The following ZMAT4 variants were observed in gnomAD, a reference collection of about 807,000 sequenced individuals.
ZMAT4 encodes zinc finger matrin-type 4.
ZMAT4 carries 17 observed loss-of-function variants against 28.7 expected under a neutral mutation model. The observed-to-expected ratio is 0.59, with a 90% CI of 0.41 to 0.89. The LOEUF (loss-of-function observed/expected upper bound fraction) is 0.89, where lower values mean the gene tolerates loss of function less well. Ranked by LOEUF, ZMAT4 falls within the 40% of genes least tolerant of loss-of-function variation. The pLI, the probability that ZMAT4 is intolerant of heterozygous loss-of-function variation, is 0.00. For missense variants in ZMAT4, 240 were observed against 283.8 expected (o/e 0.85, Z 1.11); for synonymous variants, 117 against 109.2 (o/e 1.07, Z -0.44).
At chr8:40,896,893 C>A (rs932662486) in intron 1 of ZMAT4, among the ~76,000 whole-genome samples, 2 of 152,144 alleles carry the variant, frequency 1.3e-5, no homozygotes, top group East Asian at 3.9e-4. Context: ...ATGCTCCGGG[C>A]CAGGCACCCC....
rs10581532 is a variant in ZMAT4 at position 40,691,404 on chromosome 8, CAAA to C, written c.349+5838_349+5840del. Among the ~76,000 whole-genome samples, 825 of 137,706 alleles carry C rather than the reference CAAA, an allele frequency of 6.0e-3. 6 individuals are homozygous for C. Among genetic ancestry groups the C allele is most frequent in the South Asian group, 9.6e-3 (42 of 4,354 alleles). 90.3% of individuals were successfully genotyped at this position (137,706 alleles called of 152,430 possible). A position where few individuals can be genotyped will look rare whatever the true frequency, so the allele number is the denominator to read the frequency against. ...AAAACACGTGACACTAAATAGACTG[CAAA>C]AAAAAAAAAAAAGAGAGAGAGACTT... On this transcript the variant is annotated intron_variant, in intron 4 of 6. Coordinates refer to ENST00000297737, the MANE Select transcript of ZMAT4 (RefSeq NM_024645.3).
intron 5 of ZMAT4, among the ~76,000 whole-genome samples, chr8:40,626,033 C>A (rs558243823): frequency 6.6e-6 from 1 of 151,162 alleles, no homozygotes; most frequent in Admixed American, 6.6e-5. Flanking sequence ...TCGTTTGAAC[C>A]CGGGAGGTGG....
intron 1 of ZMAT4, among the ~76,000 whole-genome samples, chr8:40,872,666 T>A (rs1277894923): frequency 6.6e-6 from 1 of 152,034 alleles, no homozygotes. Flanking sequence ...CCACACCCCC[T>A]CAGATAATGC....
At chr8:40,592,873 A>G (rs758549124) in intron 5 of ZMAT4, among the ~76,000 whole-genome samples, 9 of 152,212 alleles carry the variant, frequency 5.9e-5, no homozygotes, top group Admixed American at 6.5e-5. Flanking sequence ...CGTGGTCACT[A>G]TGGCAAACTG....
intron 1 of ZMAT4, among the ~76,000 whole-genome samples, chr8:40,873,566 G>T (rs1817936920): frequency 6.6e-6 from 1 of 152,114 alleles, no homozygotes; most frequent in Non-Finnish European, 1.5e-5. Context: ...TACTAGGCAA[G>T]ATGGCTTCTC....
chr8:40,747,806 C>T (rs1812300431), intron 3 of ZMAT4, among the ~76,000 whole-genome samples: 1 of 152,096 alleles, frequency 6.6e-6, no homozygotes, highest in Admixed American at 6.6e-5. Context: ...GACATCATGA[C>T]CATTCATTTC....
At chr8:40,556,285 C>T (rs1803531319) in intron 6 of ZMAT4, among the ~76,000 whole-genome samples, 2 of 152,222 alleles carry the variant, frequency 1.3e-5, no homozygotes, top group African/African-American at 4.8e-5. Flanking sequence ...CAGTTTTTTA[C>T]TTAAAAAGTT....
intron 1 of ZMAT4, among the ~76,000 whole-genome samples, chr8:40,895,714 A>G (rs1818844780): frequency 6.6e-6 from 1 of 152,032 alleles, no homozygotes; most frequent in Non-Finnish European, 1.5e-5. Context: ...TCCTATCACG[A>G]TAGAAATCCA....
chr8:40,601,494 A>C (rs552444443), intron 5 of ZMAT4, among the ~76,000 whole-genome samples: 6 of 82,126 alleles, frequency 7.3e-5, no homozygotes, highest in Non-Finnish European at 1.7e-4. Flanking sequence ...AGAAAGAAAG[A>C]GAGAAAGAAA....
In ZMAT4 at chr8:40,739,789, C is replaced by T. The variant is rs139559397; in HGVS notation, c.192+27852G>A. Reference sequence around the variant, plus strand: ...TTAGGTGTTTGTCCTAATGCTCTCCCTCCCTTTGCCTCCCACCCGCCGACA... The same window carrying T: ...TTAGGTGTTTGTCCTAATGCTCTCCTTCCCTTTGCCTCCCACCCGCCGACA... On this transcript the variant is annotated intron_variant, in intron 3 of 6. Transcript: ENST00000297737. Among the ~76,000 whole-genome samples the T allele has an allele frequency of 8.5e-3, 1,301 of 152,276 alleles. 24 individuals are homozygous for T. Among genetic ancestry groups the T allele is most frequent in the African/African-American group, 0.03 (1,243 of 41,554 alleles).
At chr8:40,767,875 A>G in intron 2 of ZMAT4, 145 bp from the exon 3 acceptor site, 2 of 622,848 alleles carry the variant, frequency 3.2e-6, no homozygotes. Context: ...TGTAGGATGT[A>G]GTTTCAGATA....
intron 5 of ZMAT4, among the ~76,000 whole-genome samples, chr8:40,667,981 C>T (rs1049079915): frequency 2.6e-5 from 4 of 151,944 alleles, no homozygotes; most frequent in African/African-American, 9.7e-5. Flanking sequence ...TATGTGAGTG[C>T]AGGATTGCTA....
At chr8:40,746,205 T>G (rs1812207411) in intron 3 of ZMAT4, among the ~76,000 whole-genome samples, 2 of 105,594 alleles carry the variant, frequency 1.9e-5, no homozygotes, top group Non-Finnish European at 3.8e-5. Flanking sequence ...CCCACCTTCC[T>G]TCCCTCCTTC....
chr8:40,873,218 G>A (rs1586201534), intron 1 of ZMAT4, among the ~76,000 whole-genome samples: 1 of 152,276 alleles, frequency 6.6e-6, no homozygotes, highest in East Asian at 1.9e-4. Flanking sequence ...TGGATGCACT[G>A]CCACATGTGC....
intron 4 of ZMAT4, among the ~76,000 whole-genome samples, chr8:40,677,273 G>A (rs1207286241): frequency 6.7e-6 from 1 of 148,710 alleles, no homozygotes; most frequent in African/African-American, 2.5e-5. Flanking sequence ...ACTATCTTGT[G>A]TATAGTCTGA....
chr8:40,640,217 A>C (rs1394640956), intron 5 of ZMAT4, among the ~76,000 whole-genome samples: 2 of 152,166 alleles, frequency 1.3e-5, no homozygotes, highest in Admixed American at 1.3e-4. Context: ...GGCCCAAGCA[A>C]TCCTCCTGCC....
Position 40,839,821 on chromosome 8 carries a change from T to G in ZMAT4, c.-4-14141A>C, listed in dbSNP as rs535562019. On this transcript the variant is annotated intron_variant, in intron 1 of 6. Transcript: ENST00000297737. ...ATGAAGTCTTGGAAGAGTGAGGGGG[T>G]GGATGATGAGAAATTAGTTAATGAA... Among the ~76,000 whole-genome samples, 7 of 151,688 alleles carry G rather than the reference T, an allele frequency of 4.6e-5. No individual in the cohort carries two copies. The South Asian group carries it at 6.3e-4, about 14-fold the overall frequency.
chr8:40,826,065 C>CA (rs1378649673), intron 1 of ZMAT4, among the ~76,000 whole-genome samples: 1 of 152,140 alleles, frequency 6.6e-6, no homozygotes, highest in African/African-American at 2.4e-5. Context: ...TTGAGACCAG[C>CA]ATGGGCAACA....
intron 2 of ZMAT4, among the ~76,000 whole-genome samples, chr8:40,804,709 C>T (rs979839901): frequency 9.9e-5 from 15 of 151,892 alleles, no homozygotes; most frequent in Admixed American, 3.9e-4. Context: ...GGTGTGGTGG[C>T]GCATACCTAT....
Sources: allele counts gnomAD v4.1 joint callset (sites outside exome capture counted in the v4.1 genomes callset), GRCh38; gene constraint gnomAD v4.1.1; transcripts MANE v1.5; gene names NCBI Gene and HGNC (gene_info 2026-07-23, HGNC 2026-07-21).